The following MAP2K1 variants were observed in gnomAD, a reference collection of about 807,000 sequenced individuals.
MAP2K1 encodes the protein mitogen-activated protein kinase kinase 1, also known as dual specificity mitogen-activated protein kinase kinase 1.
Under a neutral mutation model 46.3 loss-of-function variants are expected in MAP2K1, and 16 were observed. The observed-to-expected ratio is 0.35, with a 90% CI of 0.23 to 0.52. The LOEUF (loss-of-function observed/expected upper bound fraction) is 0.52, where lower values mean the gene tolerates loss of function less well. MAP2K1 is among the 20% of genes least tolerant of loss of function. The probability of loss-of-function intolerance (pLI) is 0.94; values close to 1 mark genes in which losing one functional copy is unlikely to be tolerated. For missense variants in MAP2K1, 263 were observed against 497.1 expected (o/e 0.53, Z 4.48); for synonymous variants, 183 against 185.6 (o/e 0.99, Z 0.11).
intron 1 of MAP2K1, among the ~76,000 whole-genome samples, chr15:66,404,107 A>C (rs2093389640): frequency 6.6e-6 from 1 of 152,208 alleles, no homozygotes; most frequent in South Asian, 2.1e-4. Context: ...ATAATAGAAA[A>C]TGTATCCTGC....
chr15:66,448,327 G>T (rs910472091), intron 5 of MAP2K1, among the ~76,000 whole-genome samples: 4 of 152,050 alleles, frequency 2.6e-5, no homozygotes, highest in African/African-American at 9.7e-5. Flanking sequence ...TGTCTTCAAG[G>T]TTCATCCATG....
At chr15:66,395,732 A>G (rs1193385629) in intron 1 of MAP2K1, among the ~76,000 whole-genome samples, 2 of 149,892 alleles carry the variant, frequency 1.3e-5, no homozygotes, top group Non-Finnish European at 3.0e-5. Context: ...GCACACCACC[A>G]CGCCGGGCTA....
intron 1 of MAP2K1, among the ~76,000 whole-genome samples, chr15:66,420,721 A>ATATATATATATATATATATATATGTG (rs1461381065): frequency 3.4e-5 from 1 of 29,684 alleles, no homozygotes; most frequent in African/African-American, 1.2e-4. Flanking sequence ...ATATATATAT[A>ATATATATATATATATATATATATGTG]TGTGTGTGTG....
intron 5 of MAP2K1, chr15:66,446,761 T>A (rs1891879020): frequency 6.0e-6 from 2 of 332,890 alleles, no homozygotes; most frequent in Admixed American, 6.0e-5. Flanking sequence ...AAAAATGGCC[T>A]TGCACCACAG....
intron 1 of MAP2K1, among the ~76,000 whole-genome samples, chr15:66,428,850 G>T (rs2093467222): frequency 7.3e-6 from 1 of 137,318 alleles, no homozygotes; most frequent in Admixed American, 8.0e-5. Flanking sequence ...CGCGATCTTG[G>T]CTTACTGCGA....
chr15:66,410,150 C>T (rs1273111009), intron 1 of MAP2K1, among the ~76,000 whole-genome samples: 2 of 152,176 alleles, frequency 1.3e-5, no homozygotes, highest in Non-Finnish European at 2.9e-5. Flanking sequence ...TTGTTTTTTG[C>T]CCTGCCCTAC....
At chr15:66,397,080 C>CT (rs903448753) in intron 1 of MAP2K1, among the ~76,000 whole-genome samples, 1 of 138,058 alleles carries the variant, frequency 7.2e-6, no homozygotes, top group Non-Finnish European at 1.5e-5. Flanking sequence ...TCTCGGCTCA[C>CT]TGCAAGCTCC....
intron 1 of MAP2K1, among the ~76,000 whole-genome samples, chr15:66,410,389 C>T (rs564724111): frequency 5.9e-5 from 9 of 151,588 alleles, no homozygotes; most frequent in East Asian, 1.9e-4. Flanking sequence ...TGGGTTTGAG[C>T]GATAGGATTT....
intron 5 of MAP2K1, among the ~76,000 whole-genome samples, chr15:66,474,523 T>G (rs1188287983): frequency 1.3e-5 from 2 of 152,218 alleles, no homozygotes; most frequent in African/African-American, 2.4e-5. Flanking sequence ...TCATTACATC[T>G]GTAATGTGAA....
intron 1 of MAP2K1, among the ~76,000 whole-genome samples, chr15:66,407,234 C>T (rs911563054): frequency 6.6e-6 from 1 of 151,894 alleles, no homozygotes; most frequent in Non-Finnish European, 1.5e-5. Context: ...ATGGCTATTC[C>T]TCTCAGAGTG....
chr15:66,395,314 C>T (rs1241242057), intron 1 of MAP2K1, among the ~76,000 whole-genome samples: 1 of 152,186 alleles, frequency 6.6e-6, no homozygotes, highest in Non-Finnish European at 1.5e-5. Context: ...AATGTGGTTA[C>T]TGTACTCACT....
chr15:66,387,478 G>GC (rs1566991778), intron 1 of MAP2K1, 51 bp downstream of exon 1: 8 of 1,530,594 alleles, frequency 5.2e-6, no homozygotes, highest in African/African-American at 2.8e-5. Flanking sequence ...GGAGGCCCGA[G>GC]CCGGGGAGCA....
intron 1 of MAP2K1, among the ~76,000 whole-genome samples, chr15:66,434,655 CAATA>C (rs1388224992): frequency 6.6e-6 from 1 of 152,060 alleles, no homozygotes; most frequent in Non-Finnish European, 1.5e-5. Context: ...ATGGTAAAAA[CAATA>C]AAACCAACAG....
rs112190975 is a variant in MAP2K1, at chr15:66,425,026, C to T, written c.81-10001C>T. 2.5e-3 allele frequency among the ~76,000 whole-genome samples: 386 copies of T among 152,054 alleles called. 2 individuals are homozygous for T. Among genetic ancestry groups the T allele is most frequent in the African/African-American group, 8.8e-3 (363 of 41,472 alleles). ...CGTCAGGCTGTTCTCAAACTCCCAA[C>T]CTTAGGTGATCTGCCCGCCTCGGCC... On this transcript the variant is annotated intron_variant, in intron 1 of 10. Coordinates refer to ENST00000307102, the MANE Select transcript of MAP2K1 (RefSeq NM_002755.4).
At chr15:66,473,597 T>C (rs986583033) in intron 5 of MAP2K1, among the ~76,000 whole-genome samples, 1 of 152,226 alleles carries the variant, frequency 6.6e-6, no homozygotes, top group African/African-American at 2.4e-5. Flanking sequence ...CTTTCTTTTA[T>C]TATACCTCTC....
intron 7 of MAP2K1, among the ~76,000 whole-genome samples, chr15:66,485,613 C>G (rs533858539): frequency 1.3e-5 from 2 of 152,000 alleles, no homozygotes; most frequent in South Asian, 4.2e-4. Flanking sequence ...GGGGCTCACT[C>G]TGTCACCCAG....
At chr15:66,432,238 C>A (rs1281349894) in intron 1 of MAP2K1, among the ~76,000 whole-genome samples, 1 of 152,138 alleles carries the variant, frequency 6.6e-6, no homozygotes. Flanking sequence ...CTTTACCACC[C>A]CAGCCTATAG....
intron 1 of MAP2K1, among the ~76,000 whole-genome samples, chr15:66,412,278 G>A (rs1046816628): frequency 2.0e-5 from 3 of 152,218 alleles, no homozygotes; most frequent in African/African-American, 4.8e-5. Flanking sequence ...TGCGTTTGCT[G>A]TGGGCTGGTA....
chr15:66,439,772 A>C (rs575836759), intron 3 of MAP2K1, among the ~76,000 whole-genome samples: 2 of 151,972 alleles, frequency 1.3e-5, no homozygotes, highest in Admixed American at 1.3e-4. Context: ...GTCTCAAAAA[A>C]AAAAATTACA....
Sources: gnomAD v4.1 joint callset for allele counts (sites outside exome capture counted in the v4.1 genomes callset) on GRCh38, gnomAD v4.1.1 for gene constraint, MANE v1.5 for transcripts, NCBI Gene and HGNC (gene_info 2026-07-23, HGNC 2026-07-21) for gene names.